ZNF407: variants seen among roughly 807,000 people sequenced by gnomAD.
ZNF407 encodes zinc finger protein 407.
A neutral mutation model predicts 131.2 loss-of-function variants in ZNF407; 17 were observed. That is an observed-to-expected ratio of 0.13 (90% confidence interval 0.09 to 0.19). ZNF407 has a LOEUF of 0.19. Ranked by LOEUF, ZNF407 falls within the 10% of genes least tolerant of loss-of-function variation. The pLI is 1.00. For missense variants in ZNF407, 2,681 were observed against 2,830.6 expected (o/e 0.95, Z 1.20); for synonymous variants, 1,156 against 1,062.0 (o/e 1.09, Z -1.72).
At chr18:74,799,900 A>G (rs1337343766) in intron 4 of ZNF407, among the ~76,000 whole-genome samples, 1 of 137,098 alleles carries the variant, frequency 7.3e-6, no homozygotes, top group African/African-American at 3.0e-5. Context: ...TGAAAAAAAA[A>G]TCCTTTTTTT....
intron 8 of ZNF407, among the ~76,000 whole-genome samples, chr18:74,988,566 A>C (rs888784974): frequency 2.0e-5 from 3 of 151,568 alleles, no homozygotes; most frequent in Non-Finnish European, 2.9e-5. Flanking sequence ...ACAAATCACC[A>C]CTCAAAAATA....
intron 3 of ZNF407, among the ~76,000 whole-genome samples, chr18:74,759,950 C>CTCTCTCTG (rs1373516188): frequency 7.1e-5 from 1 of 14,174 alleles, no homozygotes; most frequent in African/African-American, 7.6e-5. Context: ...CTTTACATGT[C>CTCTCTCTG]TCTCTCTCTC....
chr18:74,937,234 T>C (rs1286666098), intron 8 of ZNF407, among the ~76,000 whole-genome samples: 1 of 152,224 alleles, frequency 6.6e-6, no homozygotes, highest in Admixed American at 6.5e-5. Flanking sequence ...TTCTAGATAA[T>C]TGACCATATC....
intron 4 of ZNF407, among the ~76,000 whole-genome samples, chr18:74,853,346 A>G (rs191403302): frequency 8.5e-5 from 13 of 152,244 alleles, no homozygotes; most frequent in Admixed American, 7.2e-4. Flanking sequence ...CACTGAACCA[A>G]GTTTCTTAGG....
intron 6 of ZNF407, 42 bp downstream of exon 6, chr18:74,881,161 A>T (rs764229123): frequency 1.5e-5 from 22 of 1,509,574 alleles, no homozygotes; most frequent in Admixed American, 3.9e-5. Flanking sequence ...TGCAGAGAGG[A>T]CGGCAAGACA....
chr18:75,008,787 C>G (rs1326849685), intron 8 of ZNF407, among the ~76,000 whole-genome samples: 1 of 152,164 alleles, frequency 6.6e-6, no homozygotes, highest in Non-Finnish European at 1.5e-5. Flanking sequence ...TTTTATAAAT[C>G]CAAACCTTTA....
chr18:74,746,288 G>T (rs79819413), intron 3 of ZNF407, among the ~76,000 whole-genome samples: 3 of 152,158 alleles, frequency 2.0e-5, no homozygotes, highest in Non-Finnish European at 4.4e-5. Flanking sequence ...GTGAGTAATC[G>T]TGGAGGCCTA....
intron 3 of ZNF407, among the ~76,000 whole-genome samples, chr18:74,676,177 C>G (rs946947035): frequency 7.3e-5 from 11 of 151,632 alleles, no homozygotes; most frequent in African/African-American, 2.7e-4. Context: ...CTGCAAACTC[C>G]ACCTCCTGGG....
intron 4 of ZNF407, among the ~76,000 whole-genome samples, chr18:74,866,434 A>G (rs1971011353): frequency 6.6e-6 from 1 of 152,208 alleles, no homozygotes; most frequent in Non-Finnish European, 1.5e-5. Context: ...AAAGTCCAAG[A>G]CAATGAAATG....
chr18:74,841,496 T>G (rs754832715), intron 4 of ZNF407, among the ~76,000 whole-genome samples: 4 of 152,214 alleles, frequency 2.6e-5, no homozygotes, highest in Non-Finnish European at 2.9e-5. Context: ...CCAGCAGCAC[T>G]TGTTATTTTT....
chr18:74,881,161 A>G, intron 6 of ZNF407, 42 bp downstream of exon 6: 1 of 1,509,690 alleles, frequency 6.6e-7, no homozygotes, highest in South Asian at 1.2e-5. Flanking sequence ...TGCAGAGAGG[A>G]CGGCAAGACA....
intron 7 of ZNF407, among the ~76,000 whole-genome samples, chr18:74,919,117 A>T (rs1417040525): frequency 5.9e-5 from 9 of 152,180 alleles, no homozygotes; most frequent in Non-Finnish European, 8.8e-5. Flanking sequence ...TACCTTTCCT[A>T]GTGCCATTTA....
intron 3 of ZNF407, among the ~76,000 whole-genome samples, chr18:74,769,267 G>A (rs10514139): frequency 6.6e-6 from 1 of 152,146 alleles, no homozygotes. Flanking sequence ...GCACATCTGT[G>A]TGTGTATTTT....
intron 8 of ZNF407, among the ~76,000 whole-genome samples, chr18:75,037,554 C>T (rs1973323757): frequency 6.6e-6 from 1 of 152,074 alleles, no homozygotes; most frequent in African/African-American, 2.4e-5. Flanking sequence ...AAGATATCTG[C>T]AGCAACACTG....
At chr18:75,026,853 A>G (rs1973176835) in intron 8 of ZNF407, among the ~76,000 whole-genome samples, 2 of 152,214 alleles carry the variant, frequency 1.3e-5, no homozygotes, top group South Asian at 4.1e-4. Context: ...AAGTTGAGCT[A>G]CAGTGGTTCA....
chr18:74,788,296 T>A (rs1422122778), intron 4 of ZNF407, among the ~76,000 whole-genome samples: 1 of 152,196 alleles, frequency 6.6e-6, no homozygotes, highest in East Asian at 1.9e-4. Context: ...TTTCTGGAAG[T>A]GCATATATCT....
rs193127961 is a variant in ZNF407, at chr18:74,878,628, G to A, written c.5044+1265G>A. Among the ~76,000 whole-genome samples the A allele has an allele frequency of 2.2e-3, 332 of 152,236 alleles. 1 individual carries two copies. The highest frequency in any genetic ancestry group is 8.0e-3 in the Admixed American group (123 of 15,294). ...GCACCATAATGAGAGATAGGGGACA[G>A]TGGCTGTTTTCTAATAGAAAATAAA... On this transcript the variant is annotated intron_variant, in intron 5 of 8. Coordinates refer to ENST00000299687, the MANE Select transcript of ZNF407 (RefSeq NM_017757.3).
At chr18:74,937,269 C>T (rs1489465364) in intron 8 of ZNF407, among the ~76,000 whole-genome samples, 4 of 152,142 alleles carry the variant, frequency 2.6e-5, no homozygotes, top group African/African-American at 4.8e-5. Flanking sequence ...CTATTTTATA[C>T]AAGCAATCAC....
chr18:74,895,793 T>C (rs1025989766), intron 7 of ZNF407, among the ~76,000 whole-genome samples: 1 of 152,184 alleles, frequency 6.6e-6, no homozygotes, highest in African/African-American at 2.4e-5. Context: ...ATGGGATTCA[T>C]TGTTCTGTTC....
Sources: gnomAD v4.1 joint callset for allele counts (sites outside exome capture counted in the v4.1 genomes callset) on GRCh38, gnomAD v4.1.1 for gene constraint, MANE v1.5 for transcripts, NCBI Gene and HGNC (gene_info 2026-07-23, HGNC 2026-07-21) for gene names.